Variants in ADGRB3 observed in about 807,000 individuals in gnomAD.
ADGRB3 encodes adhesion G protein-coupled receptor B3.
In ADGRB3, 37 loss-of-function variants were observed where a neutral mutation model predicts 193.4. The observed-to-expected ratio is 0.19, with a 90% CI of 0.15 to 0.25. The LOEUF is 0.25. ADGRB3 is among the 10% of genes least tolerant of loss of function. ADGRB3 has a pLI of 1.00. For missense variants in ADGRB3, 1,637 were observed against 1,852.9 expected (o/e 0.88, Z 2.14); for synonymous variants, 690 against 644.2 (o/e 1.07, Z -1.08).
chr6:68,779,334 A>G (rs73745867), intron 3 of ADGRB3, among the ~76,000 whole-genome samples: 3,992 of 151,716 alleles, frequency 0.026, 79 homozygotes, highest in African/African-American at 0.051. Flanking sequence ...TAGCAGAGTT[A>G]TCTTTCCCCC....
chr6:68,749,406 A>ATATG lies in ADGRB3; in HGVS notation c.757+109976_757+109979dup, dbSNP rs1395909433. ...AATAAACTCCCCTTTATATATATATATATGTGTGTGTGTGTGTGTGTGTGT... is the reference window on the plus strand; with the variant it reads ...AATAAACTCCCCTTTATATATATATATATGTATGTGTGTGTGTGTGTGTGTGTGT... On this transcript the variant is annotated intron_variant, in intron 3 of 31. Transcript: ENST00000370598. 3.0e-5 allele frequency among the ~76,000 whole-genome samples: 3 copies of ATATG among 101,074 alleles called. No individual in the cohort carries two copies. In the South Asian group the frequency reaches 9.2e-4, roughly 31 times the overall value. 66.3% of individuals were successfully genotyped at this position (101,074 alleles called of 152,430 possible).
chr6:68,871,330 G>A (rs12529787), intron 3 of ADGRB3, among the ~76,000 whole-genome samples: 14,227 of 152,154 alleles, frequency 0.094, 881 homozygotes, highest in Non-Finnish European at 0.13. Context: ...ACAGATGACT[G>A]AGGGGAAATA....
chr6:68,914,275 G>T (rs888802743), intron 3 of ADGRB3, among the ~76,000 whole-genome samples: 2 of 151,562 alleles, frequency 1.3e-5, no homozygotes, highest in African/African-American at 2.4e-5. Context: ...AGGAAAAAAT[G>T]TTAAGGGCAG....
chr6:69,154,417 A>G (rs1774772334), intron 17 of ADGRB3, among the ~76,000 whole-genome samples: 1 of 152,180 alleles, frequency 6.6e-6, no homozygotes, highest in South Asian at 2.1e-4. Flanking sequence ...ATCCAGCCTC[A>G]TCTTGCATCA....
chr6:69,045,465 T>C (rs567073019), intron 13 of ADGRB3, among the ~76,000 whole-genome samples: 1 of 152,276 alleles, frequency 6.6e-6, no homozygotes, highest in East Asian at 1.9e-4. Flanking sequence ...TATTGAAAGA[T>C]TCATACTACT....
intron 3 of ADGRB3, among the ~76,000 whole-genome samples, chr6:68,757,837 A>G (rs1362872150): frequency 6.6e-6 from 1 of 152,076 alleles, no homozygotes; most frequent in Non-Finnish European, 1.5e-5. Flanking sequence ...TATAGTCACC[A>G]CTATGGAAAC....
At chr6:69,239,098 T>G (rs1719115872) in intron 19 of ADGRB3, 26 bp from the exon 20 acceptor site, 1 of 1,392,852 alleles carries the variant, frequency 7.2e-7, no homozygotes, top group Non-Finnish European at 1.0e-6. Context: ...ATTTTAAAGT[T>G]GGGTAACTTT....
intron 17 of ADGRB3, among the ~76,000 whole-genome samples, chr6:69,225,325 C>T (rs552320220): frequency 6.6e-6 from 1 of 152,064 alleles, no homozygotes; most frequent in Admixed American, 6.6e-5. Flanking sequence ...TCTTATTTGA[C>T]CTTTGATCAA....
Position 69,330,492 on chromosome 6 carries a change from A to C in ADGRB3, c.3036-14A>C, listed in dbSNP as rs1768693626. 1.3e-6 allele frequency: 2 copies of C among 1,598,774 alleles called. No homozygotes were observed. Among genetic ancestry groups the C allele is most frequent in the Non-Finnish European group, 1.7e-6 (2 of 1,171,264 alleles). On this transcript the variant is annotated splice_polypyrimidine_tract_variant and intron_variant, in intron 22 of 31. Coordinates refer to ENST00000370598, the MANE Select transcript of ADGRB3 (RefSeq NM_001704.3). ...CACTAATTTTTGTTAGTTCTTATCT[A>C]ATGTCATTTTCAGCTGCTGGCTCTC... is the stretch of plus-strand genomic sequence containing the variant.
At chr6:69,144,876 G>GTTCTTTCTTTTT in intron 17 of ADGRB3, among the ~76,000 whole-genome samples, 1 of 139,442 alleles carries the variant, frequency 7.2e-6, no homozygotes, top group African/African-American at 2.7e-5. Flanking sequence ...TTGTTTGAGT[G>GTTCTTTCTTTTT]TTCTTTCTTT....
Position 68,913,188 on chromosome 6 carries a change from A to G in ADGRB3, c.758-17371A>G, listed in dbSNP as rs142471711. On this transcript the variant is annotated intron_variant, in intron 3 of 31. Transcript: ENST00000370598. ...GTCCCTGTCTGACAGCTCTGAAGAG[A>G]GCAGTGGTTTTCCAAGCACAGATGG... Among the ~76,000 whole-genome samples, 213 of 152,270 alleles carry G rather than the reference A, an allele frequency of 1.4e-3. 1 individual carries two copies. Among genetic ancestry groups the G allele is most frequent in the Non-Finnish European group, 2.4e-3 (161 of 68,032 alleles).
chr6:68,922,255 A>T (rs923487319), intron 3 of ADGRB3, among the ~76,000 whole-genome samples: 1 of 152,204 alleles, frequency 6.6e-6, no homozygotes, highest in Non-Finnish European at 1.5e-5. Context: ...TTGTTGAATG[A>T]GTGAAATGTA....
intron 20 of ADGRB3, among the ~76,000 whole-genome samples, chr6:69,317,507 C>T (rs543337441): frequency 2.6e-5 from 4 of 151,564 alleles, no homozygotes; most frequent in South Asian, 2.1e-4. Flanking sequence ...CTATTCTGTA[C>T]GTCGATTTTT....
intron 6 of ADGRB3, among the ~76,000 whole-genome samples, chr6:68,945,249 T>C (rs1767743722): frequency 6.6e-6 from 1 of 152,130 alleles, no homozygotes. Flanking sequence ...TTTTACTGAC[T>C]AATATAAATA....
intron 20 of ADGRB3, among the ~76,000 whole-genome samples, chr6:69,252,324 T>G (rs922538471): frequency 2.0e-5 from 3 of 152,190 alleles, no homozygotes; most frequent in Non-Finnish European, 2.9e-5. Context: ...ATATGAATTG[T>G]TTTTAGTTTT....
intron 3 of ADGRB3, among the ~76,000 whole-genome samples, chr6:68,707,503 G>T (rs1765345331): frequency 6.6e-6 from 1 of 151,948 alleles, no homozygotes; most frequent in African/African-American, 2.4e-5. Flanking sequence ...GAAAAAATGA[G>T]TTTATTTTTA....
At chr6:68,814,146 T>C (rs1767577268) in intron 3 of ADGRB3, among the ~76,000 whole-genome samples, 2 of 152,210 alleles carry the variant, frequency 1.3e-5, no homozygotes, top group African/African-American at 4.8e-5. Context: ...ACTTCCACAA[T>C]GGTTGAACTA....
At chr6:68,820,432 C>T (rs1037846420) in intron 3 of ADGRB3, among the ~76,000 whole-genome samples, 4 of 151,752 alleles carry the variant, frequency 2.6e-5, no homozygotes, top group East Asian at 1.9e-4. Context: ...GAATGTGTAA[C>T]GGTCACACCA....
chr6:69,068,560 G>A (rs1157708998), intron 16 of ADGRB3, among the ~76,000 whole-genome samples: 1 of 152,168 alleles, frequency 6.6e-6, no homozygotes, highest in Non-Finnish European at 1.5e-5. Context: ...AGACATATAT[G>A]TGGAGGCAAT....
Sources: gnomAD v4.1 joint callset for allele counts (sites outside exome capture counted in the v4.1 genomes callset) on GRCh38, gnomAD v4.1.1 for gene constraint, MANE v1.5 for transcripts, NCBI Gene and HGNC (gene_info 2026-07-23, HGNC 2026-07-21) for gene names.